SDHAF3: variants seen among roughly 807,000 people sequenced by gnomAD.
SDHAF3 encodes the protein succinate dehydrogenase assembly factor 3, mitochondrial.
SDHAF3 carries 18 observed loss-of-function variants against 11.5 expected under a neutral mutation model. The ratio of observed to expected loss-of-function variants is 1.56; its 90% confidence interval spans 1.08 to 2.32. The LOEUF is 2.32. SDHAF3 is among the 30% of genes most tolerant of loss of function. The pLI, the probability that SDHAF3 is intolerant of heterozygous loss-of-function variation, is 0.00. For synonymous variants in SDHAF3, 72 were observed against 59.3 expected (o/e 1.21, Z -0.99); for missense variants, 200 against 154.4 (o/e 1.30, Z -1.57).
At chr7:97,179,424 T>G (rs916611708) in intron 1 of SDHAF3, among the ~76,000 whole-genome samples, 4 of 152,244 alleles carry the variant, frequency 2.6e-5, no homozygotes, top group Non-Finnish European at 4.4e-5. Flanking sequence ...TATTATCATC[T>G]GAGTAAATTT....
intron 1 of SDHAF3, among the ~76,000 whole-genome samples, chr7:97,136,068 A>G (rs1350364701): frequency 3.3e-5 from 5 of 150,102 alleles, no homozygotes; most frequent in African/African-American, 4.9e-5. Flanking sequence ...GTCAGAGACT[A>G]TCTTAAATAT....
At position 97,135,455 on chromosome 7, in the gene SDHAF3, T is replaced by C. The variant is rs560423359; in HGVS notation, c.174+17558T>C. 3.9e-5 allele frequency: 6 copies of C among 152,140 alleles called. No homozygotes were observed. The South Asian group carries it at 1.3e-3, about 32-fold the overall frequency. 9.4% of individuals were successfully genotyped at this position (152,140 alleles called of 1,614,324 possible). A position where few individuals can be genotyped will look rare whatever the true frequency, so the allele number is the denominator to read the frequency against. On this transcript the variant is annotated intron_variant, in intron 1 of 1. Coordinates refer to ENST00000432641, the MANE Select transcript of SDHAF3 (RefSeq NM_020186.3). ...ACTTCTTAAAAACCTGCAACACTAA[T>C]GGGGATCTCTGGATTTTTCTTTTTG...
chr7:97,176,245 T>C (rs1478873123), intron 1 of SDHAF3, among the ~76,000 whole-genome samples: 3 of 152,226 alleles, frequency 2.0e-5, no homozygotes, highest in African/African-American at 7.2e-5. Flanking sequence ...AAAGTGTCTC[T>C]CTTCGACAGC....
intron 1 of SDHAF3, among the ~76,000 whole-genome samples, chr7:97,126,581 C>T (rs569368878): frequency 1.3e-5 from 2 of 152,180 alleles, no homozygotes; most frequent in South Asian, 4.1e-4. Flanking sequence ...TGAGTTCCTC[C>T]CAGTCCTTAG....
chr7:97,136,103 A>ACG (rs1791764314), intron 1 of SDHAF3, among the ~76,000 whole-genome samples: 1 of 107,448 alleles, frequency 9.3e-6, no homozygotes, highest in African/African-American at 3.8e-5. Flanking sequence ...TTTTCAGTTA[A>ACG]TGTTTCACCT....
chr7:97,124,863 CTGAAGT>C (rs1316451948), intron 1 of SDHAF3, among the ~76,000 whole-genome samples: 6 of 152,142 alleles, frequency 3.9e-5, no homozygotes, highest in Admixed American at 6.5e-5. Context: ...TGAGATTTTG[CTGAAGT>C]TGTTTATCAG....
intron 1 of SDHAF3, among the ~76,000 whole-genome samples, chr7:97,123,186 C>T (rs370581216): frequency 2.0e-4 from 30 of 152,172 alleles, no homozygotes; most frequent in African/African-American, 6.3e-4. Context: ...TGATGTTCCC[C>T]TCCCTGTGTC....
At chr7:97,163,587 A>T (rs966987206) in intron 1 of SDHAF3, among the ~76,000 whole-genome samples, 1 of 152,114 alleles carries the variant, frequency 6.6e-6, no homozygotes, top group African/African-American at 2.4e-5. Context: ...CACATTGATG[A>T]GCCTTGACTC....
chr7:97,161,447 A>G (rs541231984), intron 1 of SDHAF3, among the ~76,000 whole-genome samples: 9 of 152,234 alleles, frequency 5.9e-5, no homozygotes, highest in South Asian at 2.1e-4. Flanking sequence ...TATTCATTTT[A>G]TTATACTTTA....
intron 1 of SDHAF3, among the ~76,000 whole-genome samples, chr7:97,167,436 C>T (rs954037106): frequency 6.6e-6 from 1 of 152,106 alleles, no homozygotes; most frequent in African/African-American, 2.4e-5. Flanking sequence ...ATTACCCAGT[C>T]TCAGGTAGTT....
intron 1 of SDHAF3, among the ~76,000 whole-genome samples, chr7:97,152,144 C>T (rs1789234296): frequency 6.6e-6 from 1 of 152,214 alleles, no homozygotes. Context: ...ATCCCCCTCA[C>T]CAACCTCTGA....
chr7:97,165,708 C>T (rs1047303469), intron 1 of SDHAF3, among the ~76,000 whole-genome samples: 4 of 152,180 alleles, frequency 2.6e-5, no homozygotes, highest in Admixed American at 1.3e-4. Flanking sequence ...TTTTGTGAAA[C>T]TGAAGAGGTT....
At chr7:97,140,172 G>C (rs947539677) in intron 1 of SDHAF3, among the ~76,000 whole-genome samples, 2 of 152,082 alleles carry the variant, frequency 1.3e-5, no homozygotes, top group African/African-American at 2.4e-5. Flanking sequence ...GACTCTGACT[G>C]TTCATTTGGC....
chr7:97,127,904 T>G (rs1310992212), intron 1 of SDHAF3, among the ~76,000 whole-genome samples: 2 of 145,826 alleles, frequency 1.4e-5, no homozygotes, highest in Non-Finnish European at 3.0e-5. Flanking sequence ...CAAGTTTTTT[T>G]TTTTTTTTTT....
chr7:97,127,897 G>GTTT (rs920829054), intron 1 of SDHAF3, among the ~76,000 whole-genome samples: 35 of 106,276 alleles, frequency 3.3e-4, no homozygotes, highest in African/African-American at 4.0e-4. Flanking sequence ...TCTACATCAA[G>GTTT]TTTTTTTTTT....
intron 1 of SDHAF3, among the ~76,000 whole-genome samples, chr7:97,168,190 G>A (rs1430563068): frequency 6.6e-6 from 1 of 152,070 alleles, no homozygotes; most frequent in Non-Finnish European, 1.5e-5. Flanking sequence ...AATTTTTCCT[G>A]GTCATGAGAC....
At chr7:97,128,467 G>A (rs915039417) in intron 1 of SDHAF3, among the ~76,000 whole-genome samples, 1 of 152,060 alleles carries the variant, frequency 6.6e-6, no homozygotes, top group South Asian at 2.1e-4. Flanking sequence ...TGGAAGACAG[G>A]TGTATGTTTC....
chr7:97,144,848 GGT>G lies in SDHAF3; in HGVS notation c.174+26953_174+26954del, dbSNP rs561742342. Among the ~76,000 whole-genome samples the G allele has an allele frequency of 5.3e-5, 8 of 151,702 alleles. 1 individual carries two copies. In the South Asian group the frequency reaches 1.7e-3, roughly 31 times the overall value. ...TTTTTGTAATTCTGTGAAGAATGATGGTGATATTTTGATGGGGATTGCACGGA... is the reference window on the plus strand; with the variant it reads ...TTTTTGTAATTCTGTGAAGAATGATGGATATTTTGATGGGGATTGCACGGA... On this transcript the variant is annotated intron_variant, in intron 1 of 1. Coordinates refer to ENST00000432641, the MANE Select transcript of SDHAF3 (RefSeq NM_020186.3).
In SDHAF3 at chr7:97,181,444, A is replaced by T. The variant is rs1316725823; in HGVS notation, c.*229A>T. 2.8e-6 allele frequency: 1 copy of T among 356,468 alleles called. No individual in the cohort carries two copies. The highest frequency in any genetic ancestry group is 2.1e-5 in the African/African-American group (1 of 47,238). The allele number at this position is 356,468 out of a possible 1,614,324, so 22.1% of individuals were successfully genotyped here. A position where few individuals can be genotyped will look rare whatever the true frequency, so the allele number is the denominator to read the frequency against. On this transcript the variant is annotated 3_prime_UTR_variant, in exon 2 of 2. Transcript: ENST00000432641. ...AATTCAGTTTTGGAACTAAACAGCA[A>T]ATTTCTAGAATTTTGCTGAAAATGT... is the stretch of plus-strand genomic sequence containing the variant.
Sources: gnomAD v4.1 joint callset for allele counts (sites outside exome capture counted in the v4.1 genomes callset) on GRCh38, gnomAD v4.1.1 for gene constraint, MANE v1.5 for transcripts, NCBI Gene and HGNC (gene_info 2026-07-23, HGNC 2026-07-21) for gene names.